The following DNAJC6 variants were observed in gnomAD, a reference collection of about 807,000 sequenced individuals.
DNAJC6 encodes the protein DnaJ heat shock protein family (Hsp40) member C6.
In DNAJC6, 34 loss-of-function variants were observed where a neutral mutation model predicts 110.0. That is an observed-to-expected ratio of 0.31 (90% CI 0.24 to 0.41). The LOEUF is 0.41. Ranked by LOEUF, DNAJC6 falls within the 10% of genes least tolerant of loss-of-function variation. DNAJC6 has a pLI of 1.00. For missense variants in DNAJC6, 1,031 were observed against 1,207.8 expected (o/e 0.85, Z 2.17); for synonymous variants, 406 against 437.2 (o/e 0.93, Z 0.89).
chr1:65,406,211 G>A, intron 16 of DNAJC6, 78 bp downstream of exon 16: 6 of 1,518,444 alleles, frequency 4.0e-6, no homozygotes, highest in Non-Finnish European at 5.3e-6. Context: ...TCTCTCTGAA[G>A]GTGACAGTAT....
intron 5 of DNAJC6, among the ~76,000 whole-genome samples, chr1:65,381,437 T>A (rs1645821537): frequency 6.6e-6 from 1 of 151,556 alleles, no homozygotes; most frequent in South Asian, 2.1e-4. Flanking sequence ...TAATTCCAGC[T>A]ACTGGGGAGG....
At chr1:65,328,797 G>T (rs1570283443) in intron 1 of DNAJC6, among the ~76,000 whole-genome samples, 2 of 152,194 alleles carry the variant, frequency 1.3e-5, no homozygotes, top group Admixed American at 6.5e-5. Flanking sequence ...TTTAGAGGAG[G>T]AGTGGGAGGC....
intron 1 of DNAJC6, among the ~76,000 whole-genome samples, chr1:65,299,988 C>A (rs966417221): frequency 8.2e-5 from 11 of 134,836 alleles, no homozygotes; most frequent in Admixed American, 6.8e-4. Flanking sequence ...GGAGGTGAGT[C>A]AAGATTGCGC....
rs1462099424 is a variant in DNAJC6, at chr1:65,398,860, T to G, written c.2086T>G (p.Trp696Gly). Residue 696 changes from tryptophan (W) to glycine (G), a missense_variant, in exon 14 of 19, where the codon TGG (tryptophan) becomes GGG (glycine). Trp to Gly is a radical substitution (Grantham distance 184). Transcript: ENST00000371069. ...VNIQPDVSGG[W>G]DWHAKPGGFG... ...CATTCAGCCAGATGTTTCTGGAGGT[T>G]GGGACTGGCATGCTAAACCAGGTAA... 6.2e-7 allele frequency: 1 copy of G among 1,614,106 alleles called. No individual in the cohort carries two copies. The highest frequency in any genetic ancestry group is 1.6e-4 in the Middle Eastern group (1 of 6,062).
At chr1:65,340,287 G>T (rs920176823) in intron 1 of DNAJC6, among the ~76,000 whole-genome samples, 4 of 152,188 alleles carry the variant, frequency 2.6e-5, no homozygotes, top group Admixed American at 2.6e-4. Context: ...TGGCCACATT[G>T]TATTTGGTGA....
At chr1:65,364,488 CT>C in intron 1 of DNAJC6, 146 bp from the exon 2 acceptor site, 1 of 995,508 alleles carries the variant, frequency 1.0e-6, no homozygotes, top group East Asian at 2.6e-5. Context: ...TCTATAAGTT[CT>C]GAGAGTGGGA....
intron 17 of DNAJC6, among the ~76,000 whole-genome samples, chr1:65,409,595 T>C (rs1372123514): frequency 2.6e-5 from 4 of 152,136 alleles, no homozygotes; most frequent in Admixed American, 6.5e-5. Flanking sequence ...CCAGATTGAC[T>C]GAAGCCCCCA....
upstream of DNAJC6, among the ~76,000 whole-genome samples, chr1:65,308,266 A>T (rs774494937): frequency 6.6e-6 from 1 of 152,244 alleles, no homozygotes; most frequent in Non-Finnish European, 1.5e-5. Context: ...GTATGGGCTC[A>T]AGTACATTTT....
intron 1 of DNAJC6, among the ~76,000 whole-genome samples, chr1:65,349,877 G>A (rs761415181): frequency 2.0e-5 from 3 of 152,070 alleles, no homozygotes; most frequent in African/African-American, 7.2e-5. Context: ...TCTAGGAAAC[G>A]TTTGGCAATG....
Position 65,322,636 on chromosome 1 carries a change from C to T in DNAJC6, c.193+12698C>T, listed in dbSNP as rs545933033. 1.5e-3 allele frequency among the ~76,000 whole-genome samples: 235 copies of T among 152,184 alleles called. 2 individuals are homozygous for T. The highest frequency in any genetic ancestry group is 5.5e-3 in the African/African-American group (230 of 41,520). On this transcript the variant is annotated intron_variant, in intron 1 of 18. Transcript: ENST00000371069. ...GGAAAAATTCCTAGAAGTGGAATTACTAAGAGAAAGAACATATGCAGTTCA... is the reference window on the plus strand; with the variant it reads ...GGAAAAATTCCTAGAAGTGGAATTATTAAGAGAAAGAACATATGCAGTTCA...
chr1:65,412,671 T>A (rs1357520153), intron 18 of DNAJC6, among the ~76,000 whole-genome samples: 1 of 152,154 alleles, frequency 6.6e-6, no homozygotes, highest in Admixed American at 6.5e-5. Flanking sequence ...AGATACGTCT[T>A]GTGCTGCCTG....
intron 1 of DNAJC6, among the ~76,000 whole-genome samples, chr1:65,283,103 G>A (rs1037119125): frequency 1.9e-4 from 29 of 152,106 alleles, no homozygotes; most frequent in African/African-American, 6.5e-4. Context: ...CAATATAAAA[G>A]CCAAGACATT....
chr1:65,374,256 C>T (rs754607444), intron 4 of DNAJC6, among the ~76,000 whole-genome samples: 1 of 151,176 alleles, frequency 6.6e-6, no homozygotes, highest in Non-Finnish European at 1.5e-5. Context: ...GTGGCTTTGG[C>T]TATTTGGAGT....
intron 1 of DNAJC6, among the ~76,000 whole-genome samples, chr1:65,353,544 C>T (rs1041977695): frequency 1.3e-5 from 2 of 152,194 alleles, no homozygotes; most frequent in African/African-American, 2.4e-5. Flanking sequence ...GACTGGAATT[C>T]CCCTAGCACC....
At position 65,398,079 on chromosome 1, in the gene DNAJC6, A is replaced by G. The variant is rs186859509; in HGVS notation, c.2039-734A>G. Among the ~76,000 whole-genome samples the G allele has an allele frequency of 2.5e-3, 387 of 152,346 alleles. 3 individuals are homozygous for G. Among genetic ancestry groups the G allele is most frequent in the Middle Eastern group, 0.02 (6 of 294 alleles). On this transcript the variant is annotated intron_variant, in intron 13 of 18. Coordinates refer to ENST00000371069, the MANE Select transcript of DNAJC6 (RefSeq NM_001256864.2). The stretch of plus-strand genomic sequence containing the variant: ...TCCTATATAGATTTTATAGATGTGT[A>G]AAAAACTTACTACGCACATGTATTC...
At chr1:65,272,373 G>T (rs1231201786) in intron 1 of DNAJC6, among the ~76,000 whole-genome samples, 1 of 152,176 alleles carries the variant, frequency 6.6e-6, no homozygotes, top group African/African-American at 2.4e-5. Context: ...AACCAACTTT[G>T]CACTTTTGGA....
intron 1 of DNAJC6, among the ~76,000 whole-genome samples, chr1:65,317,727 G>A (rs1165504570): frequency 6.6e-6 from 1 of 152,146 alleles, no homozygotes; most frequent in Non-Finnish European, 1.5e-5. Flanking sequence ...AATTTTAGAA[G>A]TGTTATGCTG....
intron 4 of DNAJC6, among the ~76,000 whole-genome samples, chr1:65,375,494 C>T (rs1049593758): frequency 1.3e-5 from 2 of 150,626 alleles, no homozygotes; most frequent in East Asian, 2.0e-4. Context: ...TGTGCGATCT[C>T]GGCTCACTGC....
chr1:65,408,824 C>CAAAGTCATGTGAT, intron 17 of DNAJC6, 41 bp downstream of exon 17: 1 of 1,600,088 alleles, frequency 6.2e-7, no homozygotes, highest in Non-Finnish European at 8.5e-7. Context: ...TCCTATATGA[C>CAAAGTCATGTGAT]AAAGTCATGT....
Sources: allele counts gnomAD v4.1 joint callset (sites outside exome capture counted in the v4.1 genomes callset), GRCh38; gene constraint gnomAD v4.1.1; transcripts MANE v1.5; gene names NCBI Gene and HGNC (gene_info 2026-07-23, HGNC 2026-07-21).